Variants in RGMA observed in about 807,000 individuals in gnomAD.
The protein encoded by RGMA is repulsive guidance molecule BMP co-receptor a.
In RGMA, 10 loss-of-function variants were observed where a neutral mutation model predicts 23.2. The observed-to-expected ratio is 0.43, with a 90% confidence interval of 0.27 to 0.73. RGMA has a LOEUF of 0.73. Ranked by LOEUF, RGMA falls within the 30% of genes least tolerant of loss-of-function variation. RGMA has a pLI of 0.20. For synonymous variants in RGMA, 308 were observed against 279.3 expected (o/e 1.10, Z -1.03); for missense variants, 547 against 630.5 (o/e 0.87, Z 1.42).
chr15:93,049,110 C>T (rs1161623798), intron 3 of RGMA, among the ~76,000 whole-genome samples: 5 of 152,036 alleles, frequency 3.3e-5, no homozygotes, highest in African/African-American at 4.8e-5. Context: ...TCGCTGCCAA[C>T]ACAGCCACGG....
Position 93,040,317 on chromosome 15 carries a change from C to T in RGMA, c.*4681G>A, listed in dbSNP as rs78733205. ...GTCAAACATCAAGTCCTCCCGGAGC[C>T]GGAGAGCCCTGCAGTACTTTGGCTG... On this transcript the variant is annotated 3_prime_UTR_variant, in exon 4 of 4. Transcript: ENST00000329082. 0.028 allele frequency: 4,341 copies of T among 152,438 alleles called. 70 individuals are homozygous for T. The highest frequency in any genetic ancestry group is 0.068 in the Middle Eastern group (20 of 296). The allele number at this position is 152,438 out of a possible 1,614,324, so 9.4% of individuals were successfully genotyped here. A position where few individuals can be genotyped will look rare whatever the true frequency, so the allele number is the denominator to read the frequency against.
intron 1 of RGMA, among the ~76,000 whole-genome samples, chr15:93,075,167 A>T (rs2141843866): frequency 6.6e-6 from 1 of 152,238 alleles, no homozygotes; most frequent in East Asian, 1.9e-4. Context: ...AGCAGGAAAA[A>T]AAAAAGGAGT....
rs1018287670 is a variant in RGMA, at chr15:93,052,044, C to T, written c.594G>A (p.Gln198=). Residue 198 remains glutamine (Q), a synonymous_variant, in exon 3 of 4, where the codon CAG becomes CAA. Coordinates refer to ENST00000329082, the MANE Select transcript of RGMA (RefSeq NM_020211.3). The part of the protein sequence containing the change: ...PLIDNNYLNV[Q]VTNTPVLPGS... Reference sequence around the variant, plus strand: ...CGGGCAGCACAGGCGTGTTGGTGACCTGCACGTTCAGGTAATTATTGTCGA... The same window carrying T: ...CGGGCAGCACAGGCGTGTTGGTGACTTGCACGTTCAGGTAATTATTGTCGA... 2.5e-6 allele frequency: 4 copies of T among 1,611,720 alleles called. No individual in the cohort carries two copies. Among genetic ancestry groups the T allele is most frequent in the Non-Finnish European group, 2.5e-6 (3 of 1,179,164 alleles).
At chr15:93,067,041 A>G (rs1344322886) in intron 2 of RGMA, among the ~76,000 whole-genome samples, 3 of 152,254 alleles carry the variant, frequency 2.0e-5, no homozygotes, top group African/African-American at 7.2e-5. Flanking sequence ...CTCAACCAAA[A>G]GAGCTTTAAA....
intron 2 of RGMA, among the ~76,000 whole-genome samples, chr15:93,056,723 C>G (rs998230271): frequency 5.9e-5 from 9 of 152,138 alleles, no homozygotes; most frequent in African/African-American, 9.6e-5. Context: ...AGGGAGGTGT[C>G]TGGTTCAAAG....
At chr15:93,079,187 GA>G (rs1234207538) in intron 1 of RGMA, among the ~76,000 whole-genome samples, 1 of 152,214 alleles carries the variant, frequency 6.6e-6, no homozygotes, top group Non-Finnish European at 1.5e-5. Context: ...TCTTCATCCA[GA>G]AAAGTACCTG....
At chr15:93,086,930 G>A (rs1332335036) in intron 1 of RGMA, among the ~76,000 whole-genome samples, 1 of 152,178 alleles carries the variant, frequency 6.6e-6, no homozygotes, top group Non-Finnish European at 1.5e-5. Context: ...CCTTGAATGA[G>A]ATGCCAAGCT....
Position 93,085,408 on chromosome 15 carries a change from C to G in RGMA, c.14+3511G>C, listed in dbSNP as rs569496592. ...CCAGATAGTTGACAGAGTCTTTAAA[C>G]CTTCTGCCTAATTTTCAGGCTCTGG... On this transcript the variant is annotated intron_variant, in intron 1 of 3. Transcript: ENST00000329082. Among the ~76,000 whole-genome samples, 13 of 152,336 alleles carry G rather than the reference C, an allele frequency of 8.5e-5. No individual in the cohort carries two copies. In the South Asian group the frequency reaches 2.7e-3, roughly 32 times the overall value.
intron 1 of RGMA, 67 bp downstream of exon 1, chr15:93,088,852 C>CG: frequency 7.1e-7 from 1 of 1,402,720 alleles, no homozygotes; most frequent in Non-Finnish European, 9.6e-7. Context: ...GCCGTGGCCC[C>CG]GGCATGTGTC....
At chr15:93,060,182 TGA>T (rs918937788) in intron 2 of RGMA, among the ~76,000 whole-genome samples, 86 of 152,360 alleles carry the variant, frequency 5.6e-4, no homozygotes, top group Admixed American at 4.5e-3. Flanking sequence ...CTCCAGCCAC[TGA>T]GTGTGTCCTT....
chr15:93,066,895 G>T (rs1473646423), intron 2 of RGMA, among the ~76,000 whole-genome samples: 1 of 152,198 alleles, frequency 6.6e-6, no homozygotes, highest in East Asian at 1.9e-4. Flanking sequence ...TTCTGGCTCT[G>T]CCATGCAACT....
intron 2 of RGMA, among the ~76,000 whole-genome samples, chr15:93,071,437 T>C (rs1196289223): frequency 6.6e-6 from 1 of 152,142 alleles, no homozygotes; most frequent in Non-Finnish European, 1.5e-5. Flanking sequence ...CTGAGTACTT[T>C]TTGGGGATAC....
At chr15:93,075,832 C>G (rs777897135) in intron 1 of RGMA, among the ~76,000 whole-genome samples, 20 of 152,164 alleles carry the variant, frequency 1.3e-4, no homozygotes, top group African/African-American at 2.9e-4. Context: ...TTTTCCCCCC[C>G]TTTCTTGAGG....
chr15:93,054,407 C>G (rs1262874126), intron 2 of RGMA, among the ~76,000 whole-genome samples: 12 of 152,070 alleles, frequency 7.9e-5, no homozygotes, highest in Admixed American at 7.9e-4. Context: ...GTAATAATCT[C>G]CACGTGTCAA....
At position 93,052,152 on chromosome 15, in the gene RGMA, G is replaced by A; in HGVS notation, c.486C>T (p.His162=). 1.2e-6 allele frequency: 2 copies of A among 1,613,912 alleles called. No individual in the cohort carries two copies. Among genetic ancestry groups the A allele is most frequent in the Non-Finnish European group, 1.7e-6 (2 of 1,179,838 alleles). The change falls in exon 3 of 4, where the codon CAC becomes CAT. Residue 162 remains histidine (H), a synonymous_variant. Transcript: ENST00000329082. ...GGTGTGGGTCCCCGAAGAGGCCACA[G>A]TGCGTGTAGTTGGGGGTGGCCGAGT... ...HKHSATPNYT[H]CGLFGDPHLR... is the part of the protein sequence containing the mutation.
rs1195930769 is a variant in RGMA at position 93,044,607 on chromosome 15, G to A, written c.*391C>T. 3 of 265,400 alleles carry A rather than the reference G, an allele frequency of 1.1e-5. No individual in the cohort carries two copies. Among genetic ancestry groups the A allele is most frequent in the African/African-American group, 2.2e-5 (1 of 45,088 alleles). The allele number at this position is 265,400 out of a possible 1,614,324, so 16.4% of individuals were successfully genotyped here. ...GTGTGGCGGGCACAGGGGGCCCCAC[G>A]GATCGGCGAGCAGCAGTCGGCCGGG... On this transcript the variant is annotated 3_prime_UTR_variant, in exon 4 of 4. Transcript: ENST00000329082.
In RGMA at chr15:93,042,969, CAT is replaced by C. The variant is rs1491476971; in HGVS notation, c.*2027_*2028del. On this transcript the variant is annotated 3_prime_UTR_variant, in exon 4 of 4. Coordinates refer to ENST00000329082, the MANE Select transcript of RGMA (RefSeq NM_020211.3). ...CCACCCATCTCATCCCAGAGGGCAC[CAT>C]ATGTCTCTCCACCACATAGTCACCT... 2 of 151,348 alleles carry C rather than the reference CAT, an allele frequency of 1.3e-5. No homozygotes were observed. The highest frequency in any genetic ancestry group is 2.4e-5 in the African/African-American group (1 of 40,910). The allele number at this position is 151,348 out of a possible 1,614,324, so 9.4% of individuals were successfully genotyped here.
chr15:93,038,726 C>A lies in RGMA; in HGVS notation c.*6272G>T, dbSNP rs576613763. 2.0e-5 allele frequency: 3 copies of A among 151,972 alleles called. No homozygotes were observed. The highest frequency in any genetic ancestry group is 7.3e-5 in the African/African-American group (3 of 41,342). The allele number at this position is 151,972 out of a possible 1,614,324, so 9.4% of individuals were successfully genotyped here. A position where few individuals can be genotyped will look rare whatever the true frequency, so the allele number is the denominator to read the frequency against. On this transcript the variant is annotated 3_prime_UTR_variant, in exon 4 of 4. Coordinates refer to ENST00000329082, the MANE Select transcript of RGMA (RefSeq NM_020211.3). The stretch of plus-strand genomic sequence containing the variant: ...AGTAGCTGGGACTACAGGCGCCCAC[C>A]ACCACGCCTGGCTAATTTTTTGTAT...
intron 3 of RGMA, among the ~76,000 whole-genome samples, chr15:93,051,601 C>A (rs1015291794): frequency 6.6e-6 from 1 of 152,210 alleles, no homozygotes; most frequent in South Asian, 2.1e-4. Flanking sequence ...TTGCTGAGGC[C>A]TCCTTGGGTT....
Sources: allele counts gnomAD v4.1 joint callset (sites outside exome capture counted in the v4.1 genomes callset), GRCh38; gene constraint gnomAD v4.1.1; transcripts MANE v1.5; gene names NCBI Gene and HGNC (gene_info 2026-07-23, HGNC 2026-07-21).